ZNF83: variants seen among roughly 807,000 people sequenced by gnomAD.
ZNF83 encodes zinc finger protein 816B.
For synonymous variants in ZNF83, 209 were observed against 213.0 expected (o/e 0.98, Z 0.17); for missense variants, 552 against 629.9 (o/e 0.88, Z 1.32).
chr19:52,687,891 T>C (rs1438292164), intron 1 of ZNF83, among the ~76,000 whole-genome samples: 1 of 151,436 alleles, frequency 6.6e-6, no homozygotes, highest in African/African-American at 2.4e-5. Flanking sequence ...TGCACTTCAC[T>C]GCCCCACGTC....
chr19:52,677,057 T>C (rs2061824483), intron 1 of ZNF83, among the ~76,000 whole-genome samples: 1 of 145,164 alleles, frequency 6.9e-6, no homozygotes, highest in African/African-American at 2.6e-5. Flanking sequence ...CTGCTGACCT[T>C]CCCTCCACTG....
At chr19:52,615,467 G>A (rs1357678449) in intron 2 of ZNF83, among the ~76,000 whole-genome samples, 6 of 152,212 alleles carry the variant, frequency 3.9e-5, no homozygotes, top group Admixed American at 1.3e-4. Flanking sequence ...GGCCAGGTGC[G>A]GTGGCTCATG....
At chr19:52,683,010 AT>A (rs2061948081) in intron 1 of ZNF83, among the ~76,000 whole-genome samples, 2 of 152,132 alleles carry the variant, frequency 1.3e-5, no homozygotes, top group Non-Finnish European at 2.9e-5. Flanking sequence ...AGCTGAGATT[AT>A]AGGCATGTGC....
intron 2 of ZNF83, among the ~76,000 whole-genome samples, chr19:52,632,155 C>T (rs2060993398): frequency 6.6e-6 from 1 of 152,142 alleles, no homozygotes; most frequent in South Asian, 2.1e-4. Context: ...TTGGCCTTCC[C>T]ACCTCTATAC....
chr19:52,634,087 T>A (rs1022538630), intron 2 of ZNF83, among the ~76,000 whole-genome samples: 3 of 151,864 alleles, frequency 2.0e-5, no homozygotes, highest in African/African-American at 7.3e-5. Flanking sequence ...CTGGCCAACG[T>A]GATGAAACCC....
intron 1 of ZNF83, chr19:52,635,585 A>G (rs11084172): frequency 0.39 from 58,795 of 152,310 alleles, 11,625 homozygotes; most frequent in African/African-American, 0.46. Flanking sequence ...GCCAGGCATG[A>G]AGGTACACGT....
chr19:52,665,889 G>A (rs776358048), intron 1 of ZNF83, among the ~76,000 whole-genome samples: 3 of 151,994 alleles, frequency 2.0e-5, no homozygotes, highest in Non-Finnish European at 4.4e-5. Flanking sequence ...GGCCATGTGC[G>A]GTGGCTCACA....
In ZNF83 at chr19:52,680,701, C is replaced by T. The variant is rs572638742; in HGVS notation, c.-283+9742G>A. Among the ~76,000 whole-genome samples the T allele has an allele frequency of 2.1e-3, 305 of 143,012 alleles. 1 individual carries two copies. Among genetic ancestry groups the T allele is most frequent in the African/African-American group, 7.4e-3 (262 of 35,554 alleles). 93.8% of individuals were successfully genotyped at this position (143,012 alleles called of 152,430 possible). On this transcript the variant is annotated intron_variant, in intron 1 of 5. Transcript: ENST00000594682. ...GATCTCGGCTCACTGCAAGCTCCGC[C>T]TCCCGGGTTCACGCCATTCTCCTGC...
chr19:52,678,704 T>C (rs1295973629), intron 1 of ZNF83, among the ~76,000 whole-genome samples: 2 of 152,140 alleles, frequency 1.3e-5, no homozygotes, highest in African/African-American at 4.8e-5. Flanking sequence ...AGGCCAGGCA[T>C]GGCTCATGCC....
intron 1 of ZNF83, among the ~76,000 whole-genome samples, chr19:52,637,617 C>A (rs2061194276): frequency 6.6e-6 from 1 of 152,106 alleles, no homozygotes; most frequent in South Asian, 2.1e-4. Flanking sequence ...TCATTCTTTT[C>A]TCTGTCTCAG....
At chr19:52,630,921 T>G (rs1428132209) in intron 2 of ZNF83, among the ~76,000 whole-genome samples, 1 of 151,616 alleles carries the variant, frequency 6.6e-6, no homozygotes, top group Non-Finnish European at 1.5e-5. Context: ...CTGCACCTTA[T>G]CAACCAAATT....
In ZNF83 at chr19:52,657,907, C is replaced by CG. The variant is rs201538547; in HGVS notation, c.-200-2221dup. 9.1e-3 allele frequency among the ~76,000 whole-genome samples: 1,378 copies of CG among 150,960 alleles called. 20 individuals are homozygous for CG. Among genetic ancestry groups the CG allele is most frequent in the African/African-American group, 0.033 (1,330 of 40,842 alleles). ...ATCCTAGCACTTTGGGAGGCCAAGG[C>CG]GGGGGGATCACCTGAGGTTGGTAGC... On this transcript the variant is annotated intron_variant, in intron 2 of 5. Coordinates refer to the ZNF83 transcript ENST00000594682.
rs142565971 is a variant in ZNF83 at position 52,661,155 on chromosome 19, A to T, written c.-282-312T>A. 1.9e-3 allele frequency among the ~76,000 whole-genome samples: 291 copies of T among 152,146 alleles called. 2 individuals carry two copies. The highest frequency in any genetic ancestry group is 6.8e-3 in the African/African-American group (281 of 41,506). ...TATGATTACAGGGGTAAACCACCAG[A>T]CCCAGCTGAGATTTAATGTTTAGAA... On this transcript the variant is annotated intron_variant, in intron 1 of 5. Coordinates refer to the ZNF83 transcript ENST00000594682.
At chr19:52,681,410 A>T (rs1343555568) in intron 1 of ZNF83, among the ~76,000 whole-genome samples, 1 of 152,186 alleles carries the variant, frequency 6.6e-6, no homozygotes, top group Non-Finnish European at 1.5e-5. Context: ...GACAAAGTCC[A>T]ATGAATTTGA....
chr19:52,638,507 T>A, upstream of ZNF83: 1 of 145,812 alleles, frequency 6.9e-6, no homozygotes, highest in East Asian at 1.9e-4. Flanking sequence ...CCTGTGAGTC[T>A]CTCAGCATCG....
intron 2 of ZNF83, among the ~76,000 whole-genome samples, chr19:52,631,859 C>T (rs972570526): frequency 3.9e-5 from 6 of 152,058 alleles, no homozygotes; most frequent in Admixed American, 6.6e-5. Flanking sequence ...TCCTTTCCAT[C>T]GTGGAAATCT....
At chr19:52,690,248 G>A (rs1402402237) in intron 1 of ZNF83, among the ~76,000 whole-genome samples, 1 of 151,356 alleles carries the variant, frequency 6.6e-6, no homozygotes, top group Non-Finnish European at 1.5e-5. Context: ...AGAGCAGAAA[G>A]ACAGGGGATG....
intron 1 of ZNF83, among the ~76,000 whole-genome samples, chr19:52,670,580 T>C (rs978499429): frequency 1.3e-5 from 2 of 152,194 alleles, no homozygotes; most frequent in African/African-American, 4.8e-5. Flanking sequence ...ATATTTGTCA[T>C]GGAAAAGAGT....
intron 1 of ZNF83, among the ~76,000 whole-genome samples, chr19:52,674,689 T>A (rs2061774539): frequency 7.1e-6 from 1 of 140,528 alleles, no homozygotes; most frequent in Non-Finnish European, 1.5e-5. Flanking sequence ...TAAACTAAGA[T>A]ATACTTAGGA....
Sources: allele counts gnomAD v4.1 joint callset (sites outside exome capture counted in the v4.1 genomes callset), GRCh38; gene constraint gnomAD v4.1.1; transcripts MANE v1.5; gene names NCBI Gene and HGNC (gene_info 2026-07-23, HGNC 2026-07-21).